The following LPP variants were observed in gnomAD, a reference collection of about 807,000 sequenced individuals.
The protein encoded by LPP is LIM domain containing preferred translocation partner in lipoma.
In LPP, 38 loss-of-function variants were observed where a neutral mutation model predicts 60.4. The ratio of observed to expected loss-of-function variants is 0.63; its 90% CI spans 0.49 to 0.83. The LOEUF (loss-of-function observed/expected upper bound fraction) is 0.83, where lower values mean the gene tolerates loss of function less well. Among genes scored for constraint, LPP ranks in the 40% least tolerant of loss-of-function variants. The pLI is 0.00. For missense variants in LPP, 902 were observed against 783.6 expected (o/e 1.15, Z -1.80); for synonymous variants, 328 against 290.8 (o/e 1.13, Z -1.30).
intron 1 of LPP, among the ~76,000 whole-genome samples, chr3:188,160,277 C>A (rs1316625485): frequency 6.6e-6 from 1 of 152,026 alleles, no homozygotes; most frequent in East Asian, 1.9e-4. Context: ...TCACTGCAAC[C>A]TCCGCCTCCC....
chr3:188,247,761 T>G (rs1016674865), intron 2 of LPP, among the ~76,000 whole-genome samples: 1 of 149,394 alleles, frequency 6.7e-6, no homozygotes, highest in African/African-American at 2.5e-5. Context: ...ATTGCGCCAT[T>G]GCACTCCAGG....
intron 6 of LPP, among the ~76,000 whole-genome samples, chr3:188,564,718 A>G (rs1831686916): frequency 6.6e-6 from 1 of 151,950 alleles, no homozygotes; most frequent in Non-Finnish European, 1.5e-5. Flanking sequence ...CTAGACAACC[A>G]AGCCTCATGG....
chr3:188,374,185 A>G (rs570933052), intron 3 of LPP, among the ~76,000 whole-genome samples: 1 of 151,946 alleles, frequency 6.6e-6, no homozygotes, highest in African/African-American at 2.4e-5. Flanking sequence ...TGACTTGGCG[A>G]TGCAGGCTGT....
In LPP at chr3:188,735,121, C is replaced by T. The variant is rs567728654; in HGVS notation, c.1241-24992C>T. 2.6e-5 allele frequency among the ~76,000 whole-genome samples: 4 copies of T among 152,178 alleles called. No homozygotes were observed. In the East Asian group the frequency reaches 7.7e-4, roughly 29 times the overall value. On this transcript the variant is annotated intron_variant, in intron 8 of 11. Transcript: ENST00000617246. Reference sequence around the variant, plus strand: ...GATTCTTCTGGTTAAGCCGGATCTGCCTGTATAATACATCATTTACTGACC... The same window carrying T: ...GATTCTTCTGGTTAAGCCGGATCTGTCTGTATAATACATCATTTACTGACC...
chr3:188,221,997 G>A lies in LPP; in HGVS notation c.-189-3408G>A, dbSNP rs564903635. On this transcript the variant is annotated intron_variant, in intron 1 of 11. Transcript: ENST00000617246. ...TACCACTTACTAGCCTAGAGATATTGGATGAGTGTCTAACTTCTCCGTTCC... is the reference window on the plus strand; with the variant it reads ...TACCACTTACTAGCCTAGAGATATTAGATGAGTGTCTAACTTCTCCGTTCC... Among the ~76,000 whole-genome samples, 8 of 152,258 alleles carry A rather than the reference G, an allele frequency of 5.3e-5. No homozygotes were observed. In the South Asian group the frequency reaches 1.7e-3, roughly 32 times the overall value.
At chr3:188,827,525 A>G (rs1362640265) in intron 9 of LPP, among the ~76,000 whole-genome samples, 1 of 152,168 alleles carries the variant, frequency 6.6e-6, no homozygotes, top group African/African-American at 2.4e-5. Context: ...ATTCTTGTTA[A>G]AAGACTTAAT....
intron 1 of LPP, among the ~76,000 whole-genome samples, chr3:188,181,507 T>C (rs1577148214): frequency 1.3e-5 from 2 of 152,214 alleles, no homozygotes; most frequent in Admixed American, 6.5e-5. Flanking sequence ...TAGTAAATAT[T>C]TTAGGCCTTG....
chr3:188,486,861 T>G (rs1806703758), intron 5 of LPP, among the ~76,000 whole-genome samples: 1 of 152,206 alleles, frequency 6.6e-6, no homozygotes, highest in Non-Finnish European at 1.5e-5. Flanking sequence ...CTTTGGCAAA[T>G]AAAACCAATA....
chr3:188,407,788 G>GTTTTTTTTT (rs869082030), intron 4 of LPP, among the ~76,000 whole-genome samples: 18 of 107,604 alleles, frequency 1.7e-4, no homozygotes, highest in African/African-American at 4.4e-4. Flanking sequence ...TTGTTTGTTT[G>GTTTTTTTTT]TTTTTTTTTT....
chr3:188,775,055 G>GTTTT (rs58627957), intron 9 of LPP, among the ~76,000 whole-genome samples: 26,881 of 136,186 alleles, frequency 0.2, 3,116 homozygotes, highest in Middle Eastern at 0.27. Flanking sequence ...CATGCTTAGT[G>GTTTT]TTTTTTTTTT....
chr3:188,581,683 C>T (rs573700260), intron 6 of LPP, among the ~76,000 whole-genome samples: 1 of 152,186 alleles, frequency 6.6e-6, no homozygotes, highest in East Asian at 1.9e-4. Flanking sequence ...GCCTCTACAG[C>T]CCCTGGTTAT....
At chr3:188,331,507 C>T (rs1398740478) in intron 2 of LPP, among the ~76,000 whole-genome samples, 1 of 152,206 alleles carries the variant, frequency 6.6e-6, no homozygotes, top group Non-Finnish European at 1.5e-5. Flanking sequence ...TCTAGCATTG[C>T]ATAGTTTGAA....
intron 9 of LPP, among the ~76,000 whole-genome samples, chr3:188,783,284 G>A: frequency 6.6e-6 from 1 of 152,068 alleles, no homozygotes; most frequent in Admixed American, 6.5e-5. Context: ...ATTCACAATA[G>A]CAAAGACATG....
chr3:188,484,098 G>C (rs1267529064), intron 4 of LPP, among the ~76,000 whole-genome samples: 1 of 151,994 alleles, frequency 6.6e-6, no homozygotes, highest in African/African-American at 2.4e-5. Context: ...CTCTACCAAG[G>C]ATGGACGTAC....
At chr3:188,163,880 G>C (rs1719130959) in intron 1 of LPP, among the ~76,000 whole-genome samples, 1 of 151,540 alleles carries the variant, frequency 6.6e-6, no homozygotes, top group African/African-American at 2.4e-5. Context: ...GAACCCAGGA[G>C]GCTGAGGTTG....
intron 2 of LPP, among the ~76,000 whole-genome samples, chr3:188,242,575 C>T (rs1725363245): frequency 6.6e-6 from 1 of 152,120 alleles, no homozygotes; most frequent in Admixed American, 6.5e-5. Context: ...ACGGTTCTTA[C>T]CCTCACCACT....
At chr3:188,431,918 C>T (rs1426969434) in intron 4 of LPP, among the ~76,000 whole-genome samples, 1 of 152,164 alleles carries the variant, frequency 6.6e-6, no homozygotes, top group Non-Finnish European at 1.5e-5. Context: ...TCTGTACGCC[C>T]TCAGTATATT....
intron 6 of LPP, among the ~76,000 whole-genome samples, chr3:188,578,661 A>AGG (rs1308300531): frequency 6.6e-6 from 1 of 152,004 alleles, no homozygotes; most frequent in Non-Finnish European, 1.5e-5. Flanking sequence ...TGTTCAACTA[A>AGG]GGAGACCACA....
intron 9 of LPP, among the ~76,000 whole-genome samples, chr3:188,794,860 G>C (rs985181471): frequency 6.6e-6 from 1 of 152,162 alleles, no homozygotes; most frequent in Non-Finnish European, 1.5e-5. Flanking sequence ...ATTTGAGGCC[G>C]GGTGCGGAGG....
Sources: gnomAD v4.1 joint callset for allele counts (sites outside exome capture counted in the v4.1 genomes callset) on GRCh38, gnomAD v4.1.1 for gene constraint, MANE v1.5 for transcripts, NCBI Gene and HGNC (gene_info 2026-07-23, HGNC 2026-07-21) for gene names.